The following AP2A1 variants were observed in gnomAD, a reference collection of about 807,000 sequenced individuals.
AP2A1 encodes the protein adaptor related protein complex 2 subunit alpha 1.
Under a neutral mutation model 107.3 loss-of-function variants are expected in AP2A1, and 21 were observed. The ratio of observed to expected loss-of-function variants is 0.20; its 90% CI spans 0.14 to 0.28. The LOEUF (loss-of-function observed/expected upper bound fraction) is 0.28, where lower values mean the gene tolerates loss of function less well. Among genes scored for constraint, AP2A1 ranks in the 10% least tolerant of loss-of-function variants. The pLI, the probability that AP2A1 is intolerant of heterozygous loss-of-function variation, is 1.00. For missense variants in AP2A1, 873 were observed against 1,307.7 expected (o/e 0.67, Z 5.13); for synonymous variants, 602 against 564.8 (o/e 1.07, Z -0.93).
Position 49,803,123 on chromosome 19 carries a change from A to C in AP2A1, c.2188A>C (p.Asn730His). The C allele has an allele frequency of 6.2e-7, 1 of 1,613,994 alleles. No individual in the cohort carries two copies. Among genetic ancestry groups the C allele is most frequent in the Non-Finnish European group, 8.5e-7 (1 of 1,179,884 alleles). ...CCCCCTCAGGTTTGTGTGTAAGAAC[A>C]ACGGGGTCCTGTTCGAGAACCAGCT... Reference protein sequence around the residue: ...ELLNKFVCKNNGVLFENQLLQ... With the variant: ...ELLNKFVCKNHGVLFENQLLQ... Residue 730 changes from asparagine to histidine, a missense_variant, in exon 17 of 23, where the codon AAC (asparagine) becomes CAC (histidine). By Grantham distance (68) the Asn-to-His change is moderately conservative. Transcript: ENST00000354293.
chr19:49,793,470 C>T (rs1262253055), intron 6 of AP2A1, among the ~76,000 whole-genome samples: 1 of 152,170 alleles, frequency 6.6e-6, no homozygotes, highest in Non-Finnish European at 1.5e-5. Flanking sequence ...CTGGCTTTGC[C>T]TCCCGCCTCT....
In AP2A1 at chr19:49,802,938, C is replaced by T. The variant is rs1194993072; in HGVS notation, c.2115-11C>T. On this transcript the variant is annotated splice_polypyrimidine_tract_variant and intron_variant, in intron 15 of 22. Coordinates refer to ENST00000354293, the MANE Select transcript of AP2A1 (RefSeq NM_130787.3). ...AGTTCCTTCCCATCTCACTCTGCTC[C>T]ATGCCTCCAGCCCAGGTCCTGAGGA... is the stretch of plus-strand genomic sequence containing the variant. 2 of 1,611,826 alleles carry T rather than the reference C, an allele frequency of 1.2e-6. No homozygotes were observed. Among genetic ancestry groups the T allele is most frequent in the South Asian group, 1.1e-5 (1 of 90,696 alleles).
At chr19:49,775,031 C>G (rs2123672122) in intron 1 of AP2A1, among the ~76,000 whole-genome samples, 1 of 152,094 alleles carries the variant, frequency 6.6e-6, no homozygotes, top group Non-Finnish European at 1.5e-5. Context: ...TGAGAACAGC[C>G]TAGGCAACAA....
chr19:49,776,932 C>G (rs2084622652), intron 1 of AP2A1, among the ~76,000 whole-genome samples: 2 of 152,088 alleles, frequency 1.3e-5, no homozygotes, highest in Non-Finnish European at 2.9e-5. Flanking sequence ...CCATTTAAAG[C>G]CTATTTAAAG....
At chr19:49,774,450 G>A (rs1359257969) in intron 1 of AP2A1, among the ~76,000 whole-genome samples, 1 of 152,210 alleles carries the variant, frequency 6.6e-6, no homozygotes, top group African/African-American at 2.4e-5. Flanking sequence ...TGTTATTTAC[G>A]AAGAATATAT....
In AP2A1 at chr19:49,807,020, T is replaced by TGCCCCC; in HGVS notation, c.*262_*263insGCCCCC. Reference sequence around the variant, plus strand: ...AGGGGCCAGGGAAGTGGATGTCTCCTCCCCTCCCACCCCACCCTGTTGTAG... The same window carrying TGCCCCC: ...AGGGGCCAGGGAAGTGGATGTCTCCTGCCCCCCCCCTCCCACCCCACCCTGTTGTAG... On this transcript the variant is annotated 3_prime_UTR_variant, in exon 23 of 23. Coordinates refer to ENST00000354293, the MANE Select transcript of AP2A1 (RefSeq NM_130787.3). 6.0e-6 allele frequency: 8 copies of TGCCCCC among 1,338,530 alleles called. No homozygotes were observed. Among genetic ancestry groups the TGCCCCC allele is most frequent in the Non-Finnish European group, 8.0e-6 (8 of 996,902 alleles). 82.9% of individuals were successfully genotyped at this position (1,338,530 alleles called of 1,614,324 possible).
rs2073318618 is a variant in AP2A1 at position 49,803,442 on chromosome 19, C to CTT, written c.2344+66_2344+67insTT. 3 of 1,363,980 alleles carry CTT rather than the reference C, an allele frequency of 2.2e-6. No homozygotes were observed. The African/African-American group carries it at 4.3e-5, about 19-fold the overall frequency. The allele number at this position is 1,363,980 out of a possible 1,614,324, so 84.5% of individuals were successfully genotyped here. A position where few individuals can be genotyped will look rare whatever the true frequency, so the allele number is the denominator to read the frequency against. On this transcript the variant is annotated intron_variant, in intron 18 of 22. Coordinates refer to ENST00000354293, the MANE Select transcript of AP2A1 (RefSeq NM_130787.3). ...TCGGCCTTCCTCACCGTGGGGAAGC[C>CTT]GGCTGACCCAGGTCCACACTTCTCT...
intron 16 of AP2A1, 47 bp from the exon 17 acceptor site, chr19:49,803,060 A>G (rs1468304706): frequency 6.2e-7 from 1 of 1,613,718 alleles, no homozygotes; most frequent in South Asian, 1.1e-5. Flanking sequence ...AGCCCAGGCC[A>G]GGTGCAGACA....
rs538747995 is a variant in AP2A1 at position 49,792,616 on chromosome 19, A to G, written c.604-375A>G. On this transcript the variant is annotated intron_variant, in intron 5 of 22. Transcript: ENST00000354293. ...CCTCACCAACCACCCAGTCCCTTAG[A>G]AAATCCCACTCTGTTTCTAATACCT... Among the ~76,000 whole-genome samples, 4 of 151,776 alleles carry G rather than the reference A, an allele frequency of 2.6e-5. No homozygotes were observed. In the East Asian group the frequency reaches 7.8e-4, roughly 30 times the overall value.
chr19:49,798,894 T>C lies in AP2A1; in HGVS notation c.907T>C (p.Ser303Pro). 1 of 1,574,542 alleles carries C rather than the reference T, an allele frequency of 6.4e-7. No homozygotes were observed. ...CCCCAAATCCAAGAAGGTGCAGCAT[T>C]CCAACGCCAAGAACGCCATCCTCTT... ...EPPKSKKVQHSNAKNAILFET... is the reference protein window; with the variant it reads ...EPPKSKKVQHPNAKNAILFET... The change falls in exon 8 of 23, where the codon TCC becomes CCC. Residue 303 changes from serine (S) to proline (P), a missense_variant. This residue lies in a region of AP2A1 where 213 missense variants were observed against 443.5 expected (regional missense o/e 0.48). Transcript: ENST00000354293.
At chr19:49,796,058 A>G in intron 7 of AP2A1, 1 of 310,514 alleles carries the variant, frequency 3.2e-6, no homozygotes, top group Non-Finnish European at 6.1e-6. Context: ...TTGGAGAGGG[A>G]GCTCCTGGCC....
At position 49,799,785 on chromosome 19, in the gene AP2A1, G is replaced by T; in HGVS notation, c.1272+19G>T. The T allele has an allele frequency of 1.2e-6, 2 of 1,609,860 alleles. No individual in the cohort carries two copies. The highest frequency in any genetic ancestry group is 1.7e-6 in the Non-Finnish European group (2 of 1,178,380). Reference sequence around the variant, plus strand: ...GGAGATCGTGAGTGCTGTGGGGTGCGGGCTGGACTCTTGGGTCTGAGGCAG... The same window carrying T: ...GGAGATCGTGAGTGCTGTGGGGTGCTGGCTGGACTCTTGGGTCTGAGGCAG... On this transcript the variant is annotated intron_variant, in intron 10 of 22. Coordinates refer to ENST00000354293, the MANE Select transcript of AP2A1 (RefSeq NM_130787.3).
chr19:49,802,933 T>G lies in AP2A1; in HGVS notation c.2115-16T>G. The G allele has an allele frequency of 5.0e-6, 8 of 1,611,348 alleles. No homozygotes were observed. Among genetic ancestry groups the G allele is most frequent in the Non-Finnish European group, 6.8e-6 (8 of 1,179,066 alleles). On this transcript the variant is annotated splice_polypyrimidine_tract_variant and intron_variant, in intron 15 of 22. Transcript: ENST00000354293. ...CACCAAGTTCCTTCCCATCTCACTCTGCTCCATGCCTCCAGCCCAGGTCCT... is the reference window on the plus strand; with the variant it reads ...CACCAAGTTCCTTCCCATCTCACTCGGCTCCATGCCTCCAGCCCAGGTCCT...
At chr19:49,795,567 C>T (rs1220847949) in intron 6 of AP2A1, 63 bp from the exon 7 acceptor site, 1 of 1,089,166 alleles carries the variant, frequency 9.2e-7, no homozygotes, top group South Asian at 1.4e-5. Context: ...TCCACCCTGG[C>T]ATGTGGACCC....
chr19:49,783,689 A>G lies in AP2A1; in HGVS notation c.473+965A>G, dbSNP rs559631532. Among the ~76,000 whole-genome samples, 4 of 152,364 alleles carry G rather than the reference A, an allele frequency of 2.6e-5. No individual in the cohort carries two copies. In the East Asian group the frequency reaches 7.7e-4, roughly 29 times the overall value. The stretch of plus-strand genomic sequence containing the variant: ...CGCGTGCTGGAGCCAGCATTTGCTT[A>G]GAAGGCATTTGCTGAACTGGGTGAA... On this transcript the variant is annotated intron_variant, in intron 4 of 22. Coordinates refer to ENST00000354293, the MANE Select transcript of AP2A1 (RefSeq NM_130787.3).
chr19:49,793,196 G>A (rs368727330), intron 6 of AP2A1, 104 bp downstream of exon 6: 43 of 1,114,592 alleles, frequency 3.9e-5, no homozygotes, highest in East Asian at 2.8e-4. Context: ...CCCAGCCCAA[G>A]GTTTACAAAC....
chr19:49,781,461 G>C (rs566406824), intron 1 of AP2A1, among the ~76,000 whole-genome samples: 1 of 152,160 alleles, frequency 6.6e-6, no homozygotes, highest in African/African-American at 2.4e-5. Flanking sequence ...CTCAGGGAGC[G>C]TGTCTGGGGC....
chr19:49,791,794 A>G (rs2073145163), intron 4 of AP2A1, 141 bp from the exon 5 acceptor site: 1 of 1,103,126 alleles, frequency 9.1e-7, no homozygotes, highest in Non-Finnish European at 1.3e-6. Flanking sequence ...TCAGCGCCAG[A>G]CTGGATCCTG....
At chr19:49,792,956 CA>C (rs780275612) in intron 5 of AP2A1, 34 bp from the exon 6 acceptor site, 52 of 1,549,096 alleles carry the variant, frequency 3.4e-5, no homozygotes, top group Non-Finnish European at 4.4e-5. Context: ...CCACCTCCCC[CA>C]GGGGCCTGAC....
Sources: gnomAD v4.1 joint callset for allele counts (sites outside exome capture counted in the v4.1 genomes callset) on GRCh38, gnomAD v4.1.1 for gene constraint, gnomAD v4.1.1 regional missense constraint, MANE v1.5 for transcripts, NCBI Gene and HGNC (gene_info 2026-07-23, HGNC 2026-07-21) for gene names.